The following FCHO2 variants were observed in gnomAD, a reference collection of about 807,000 sequenced individuals.
The protein encoded by FCHO2 is F-BAR domain only protein 2.
In FCHO2, 43 loss-of-function variants were observed where a neutral mutation model predicts 114.1. The observed-to-expected ratio is 0.38, with a 90% CI of 0.30 to 0.49. FCHO2 has a LOEUF of 0.49. FCHO2 is among the 20% of genes least tolerant of loss of function. FCHO2 has a pLI of 0.97. For missense variants in FCHO2, 807 were observed against 950.4 expected, an observed-to-expected ratio of 0.85 and a Z score of 1.98; for synonymous variants, 293 against 315.2, an observed-to-expected ratio of 0.93 and a Z score of 0.75.
intron 2 of FCHO2, among the ~76,000 whole-genome samples, chr5:72,969,506 A>G (rs1752394608): frequency 6.6e-6 from 1 of 152,346 alleles, no homozygotes; most frequent in East Asian, 1.9e-4. Context: ...CTTCTACATT[A>G]TCATTGGCAG....
chr5:72,957,481 T>G (rs533510393), intron 1 of FCHO2, among the ~76,000 whole-genome samples: 1 of 152,360 alleles, frequency 6.6e-6, no homozygotes, highest in African/African-American at 2.4e-5. Flanking sequence ...GGTGACCAGT[T>G]TCTTTCACTT....
rs1751512166 is a variant in FCHO2 at position 72,956,078 on chromosome 5, C to G, written c.-19C>G. On this transcript the variant is annotated 5_prime_UTR_variant, in exon 1 of 26. Transcript: ENST00000430046. Reference sequence around the variant, plus strand: ...CGGCGGGCGGGCGCGGACGCGGAACCCGGCGCGGCGGCGGCACGATGGTCA... The same window carrying G: ...CGGCGGGCGGGCGCGGACGCGGAACGCGGCGCGGCGGCGGCACGATGGTCA... 2 of 1,539,750 alleles carry G rather than the reference C, an allele frequency of 1.3e-6. No homozygotes were observed. The highest frequency in any genetic ancestry group is 2.5e-5 in the East Asian group (1 of 39,438).
rs145293456 is a variant in FCHO2 at position 73,043,106 on chromosome 5, CTTTTTTTTTTGG to C, written c.939+1793_939+1804del. Among the ~76,000 whole-genome samples the C allele has an allele frequency of 7.1e-3, 1,052 of 147,264 alleles. 28 individuals carry two copies. The East Asian group carries it at 0.098, about 14-fold the overall frequency. ...ACCATGCCCAGCTGATTTCTTAAAC[CTTTTTTTTTTGG>C]TAGAGTTGGGGTTGTGTTGCCCAGG... On this transcript the variant is annotated intron_variant, in intron 11 of 25. Transcript: ENST00000430046.
rs1328869992 is a variant in FCHO2 at position 73,037,142 on chromosome 5, G to A, written c.842-1G>A. The A allele has an allele frequency of 6.5e-7, 1 of 1,537,292 alleles. No homozygotes were observed. On this transcript the variant is annotated splice_acceptor_variant, in intron 9 of 25. Transcript: ENST00000430046. LOFTEE classifies it high-confidence loss of function. ...TGTAACAATATATATTTATTTTAAA[G>A]GTATAAAACCAAGGAAAAGAAAGAC...
intron 13 of FCHO2, 60 bp from the exon 14 acceptor site, chr5:73,054,100 C>A: frequency 4.0e-6 from 5 of 1,250,644 alleles, no homozygotes; most frequent in South Asian, 1.6e-5. Context: ...ATTATTACAG[C>A]ACAAAAATAC....
In FCHO2 at chr5:73,020,942, G is replaced by A. The variant is rs1176672975; in HGVS notation, c.796+3634G>A. 3.1e-6 allele frequency: 5 copies of A among 1,588,736 alleles called. No homozygotes were observed. In the Admixed American group the frequency reaches 6.7e-5, roughly 21 times the overall value. ...TCATATAGTCGAAAAGCAAACTGCA[G>A]TTTGTTGCTTCGGCTGTTGAGTGGT... On this transcript the variant is annotated intron_variant, in intron 8 of 25. Transcript: ENST00000430046.
chr5:72,969,552 G>A (rs1308574779), intron 2 of FCHO2, among the ~76,000 whole-genome samples: 3 of 152,148 alleles, frequency 2.0e-5, no homozygotes, highest in Non-Finnish European at 4.4e-5. Flanking sequence ...TGCATCTCTT[G>A]GCATGTTCCT....
At chr5:72,975,302 G>T (rs1021315584) in intron 2 of FCHO2, among the ~76,000 whole-genome samples, 1 of 152,088 alleles carries the variant, frequency 6.6e-6, no homozygotes, top group Non-Finnish European at 1.5e-5. Flanking sequence ...AGGAAAAAAC[G>T]TAAACTTTGT....
At position 73,037,123 on chromosome 5, in the gene FCHO2, A is replaced by AAT; in HGVS notation, c.842-13_842-12dup. 1 of 1,447,442 alleles carries AAT rather than the reference A, an allele frequency of 6.9e-7. No homozygotes were observed. The allele number at this position is 1,447,442 out of a possible 1,614,324, so 89.7% of individuals were successfully genotyped here. ...TCAGGAATGTTTATGTTTCTGTAAC[A>AAT]ATATATATTTATTTTAAAGGTATAA... On this transcript the variant is annotated intron_variant, in intron 9 of 25. Coordinates refer to ENST00000430046, the MANE Select transcript of FCHO2 (RefSeq NM_138782.3).
intron 5 of FCHO2, among the ~76,000 whole-genome samples, chr5:73,002,005 A>G (rs887784173): frequency 3.3e-5 from 5 of 152,106 alleles, no homozygotes; most frequent in African/African-American, 1.2e-4. Flanking sequence ...AAAATTTTAT[A>G]ATTTCCTGAT....
At chr5:72,981,125 G>C (rs2112642837) in intron 2 of FCHO2, among the ~76,000 whole-genome samples, 1 of 152,238 alleles carries the variant, frequency 6.6e-6, no homozygotes, top group South Asian at 2.1e-4. Context: ...AGGAGCTCTT[G>C]TAAGACTGGC....
At chr5:73,068,613 G>A (rs200464632) in intron 18 of FCHO2, 37 bp from the exon 19 acceptor site, 1 of 1,602,464 alleles carries the variant, frequency 6.2e-7, no homozygotes, top group East Asian at 2.2e-5. Flanking sequence ...GAGAGGTATT[G>A]TTTTAGCATT....
chr5:73,026,595 A>G (rs552980702), intron 8 of FCHO2, among the ~76,000 whole-genome samples: 1 of 152,308 alleles, frequency 6.6e-6, no homozygotes, highest in Non-Finnish European at 1.5e-5. Context: ...TCAGTTCTTA[A>G]GTCAAACTGA....
chr5:72,971,335 T>G (rs1423890878), intron 2 of FCHO2, among the ~76,000 whole-genome samples: 1 of 151,274 alleles, frequency 6.6e-6, no homozygotes, highest in Non-Finnish European at 1.5e-5. Flanking sequence ...AAAGTGTTCC[T>G]ATTTCTCCAC....
chr5:73,088,863 T>G lies in FCHO2; in HGVS notation c.*773T>G, dbSNP rs941011329. ...GCATAATGTGTGCCTTTTAAAACAA[T>G]AACAAAAACCAGAGATGTGCCTATA... On this transcript the variant is annotated 3_prime_UTR_variant, in exon 26 of 26. Coordinates refer to ENST00000430046, the MANE Select transcript of FCHO2 (RefSeq NM_138782.3). 6.6e-6 allele frequency: 1 copy of G among 152,620 alleles called. No homozygotes were observed. Among genetic ancestry groups the G allele is most frequent in the Non-Finnish European group, 1.5e-5 (1 of 68,006 alleles). 9.5% of individuals were successfully genotyped at this position (152,620 alleles called of 1,614,324 possible).
At chr5:72,985,167 C>CT (rs569207173) in intron 2 of FCHO2, among the ~76,000 whole-genome samples, 126 of 145,690 alleles carry the variant, frequency 8.6e-4, no homozygotes, top group South Asian at 2.4e-3. Flanking sequence ...CTATTCAGTA[C>CT]TTTTTTTTTT....
chr5:72,971,934 C>G (rs1462739430), intron 2 of FCHO2, among the ~76,000 whole-genome samples: 3 of 151,610 alleles, frequency 2.0e-5, no homozygotes, highest in Non-Finnish European at 2.9e-5. Flanking sequence ...GCCAGTTTTC[C>G]CAGCACCATT....
intron 2 of FCHO2, among the ~76,000 whole-genome samples, chr5:72,975,841 T>A (rs1752837019): frequency 6.6e-6 from 1 of 152,166 alleles, no homozygotes; most frequent in Non-Finnish European, 1.5e-5. Flanking sequence ...AATATTTTGT[T>A]GTCTGGATGT....
At chr5:73,008,790 A>G (rs1754848442) in intron 6 of FCHO2, among the ~76,000 whole-genome samples, 2 of 152,180 alleles carry the variant, frequency 1.3e-5, no homozygotes, top group Admixed American at 1.3e-4. Flanking sequence ...AGAAATATTA[A>G]TGTGTTTGAT....
Sources: allele counts gnomAD v4.1 joint callset (sites outside exome capture counted in the v4.1 genomes callset), GRCh38; gene constraint gnomAD v4.1.1; transcripts MANE v1.5; gene names NCBI Gene and HGNC (gene_info 2026-07-23, HGNC 2026-07-21).